Variants in SLC6A2 observed in about 807,000 individuals in gnomAD.
The protein encoded by SLC6A2 is sodium-dependent noradrenaline transporter.
SLC6A2 carries 26 observed loss-of-function variants against 71.7 expected under a neutral mutation model. The observed-to-expected ratio is 0.36, with a 90% confidence interval of 0.27 to 0.50. SLC6A2 has a LOEUF of 0.50. Ranked by LOEUF, SLC6A2 falls within the 20% of genes least tolerant of loss-of-function variation. SLC6A2 has a pLI of 0.96. For synonymous variants in SLC6A2, 363 were observed against 337.9 expected, an observed-to-expected ratio of 1.07 and a Z score of -0.82; for missense variants, 581 against 803.9, an observed-to-expected ratio of 0.72 and a Z score of 3.35.
intron 8 of SLC6A2, 27 bp downstream of exon 8, chr16:55,695,429 A>G: frequency 6.2e-7 from 1 of 1,613,604 alleles, no homozygotes; most frequent in East Asian, 2.2e-5. Flanking sequence ...CCTGGGCCCC[A>G]GCCCACTGAG....
intron 11 of SLC6A2, 73 bp downstream of exon 11, chr16:55,698,641 C>A: frequency 9.7e-7 from 1 of 1,036,020 alleles, no homozygotes; most frequent in Non-Finnish European, 1.5e-6. Context: ...TGCAGGGAGG[C>A]CTTCCATTTC....
intron 4 of SLC6A2, among the ~76,000 whole-genome samples, 190 bp from the exon 5 acceptor site, chr16:55,684,953 G>A (rs1234496513): frequency 6.6e-6 from 1 of 152,212 alleles, no homozygotes; most frequent in East Asian, 1.9e-4. Context: ...GAGTGGTCCT[G>A]GGCACAGGCC....
chr16:55,687,996 C>T (rs1273941039), intron 5 of SLC6A2, among the ~76,000 whole-genome samples: 1 of 152,230 alleles, frequency 6.6e-6, no homozygotes, highest in South Asian at 2.1e-4. Context: ...CTGCATGTGT[C>T]ATCCGAAACC....
Position 55,705,101 on chromosome 16 carries a change from G to C in SLC6A2, c.*2755G>C. 1 of 873,542 alleles carries C rather than the reference G, an allele frequency of 1.1e-6. No homozygotes were observed. The highest frequency in any genetic ancestry group is 1.5e-5 in the South Asian group (1 of 68,502). The allele number at this position is 873,542 out of a possible 1,614,324, so 54.1% of individuals were successfully genotyped here. On this transcript the variant is annotated 3_prime_UTR_variant, in exon 15 of 15. Transcript: ENST00000568943. ...ACTTGACGCTTTTGATATTTTTTCA[G>C]GTTTTTAAAGAATTATTATTTTTCA...
intron 4 of SLC6A2, among the ~76,000 whole-genome samples, chr16:55,681,628 AC>A (rs1490333536): frequency 2.0e-5 from 3 of 152,212 alleles, no homozygotes; most frequent in African/African-American, 7.2e-5. Context: ...CCTTTCTTTC[AC>A]CTGCCTGGAA....
chr16:55,668,296 C>A (rs1160678202), intron 2 of SLC6A2, among the ~76,000 whole-genome samples: 2 of 152,136 alleles, frequency 1.3e-5, no homozygotes, highest in Admixed American at 1.3e-4. Context: ...GTTTCCATAT[C>A]TGTAAAATGG....
At chr16:55,684,545 G>A (rs1965385565) in intron 4 of SLC6A2, among the ~76,000 whole-genome samples, 1 of 152,180 alleles carries the variant, frequency 6.6e-6, no homozygotes, top group South Asian at 2.1e-4. Flanking sequence ...TAGGAGAAAT[G>A]TTCACTTTTG....
At chr16:55,662,219 G>A (rs1964629214) in intron 2 of SLC6A2, among the ~76,000 whole-genome samples, 1 of 152,220 alleles carries the variant, frequency 6.6e-6, no homozygotes, top group Non-Finnish European at 1.5e-5. Context: ...AGGGATAAAT[G>A]TTATATCCTG....
At chr16:55,659,949 C>G (rs1014426782) in intron 2 of SLC6A2, among the ~76,000 whole-genome samples, 1 of 151,646 alleles carries the variant, frequency 6.6e-6, no homozygotes, top group Non-Finnish European at 1.5e-5. Flanking sequence ...TCATGGAGAG[C>G]CTGGCATGGA....
At chr16:55,693,211 A>G (rs1965691009) in intron 6 of SLC6A2, among the ~76,000 whole-genome samples, 1 of 152,040 alleles carries the variant, frequency 6.6e-6, no homozygotes, top group Non-Finnish European at 1.5e-5. Context: ...ACATGGGGAA[A>G]CCCCGTCTCT....
At chr16:55,659,588 T>C (rs1462670713) in intron 2 of SLC6A2, among the ~76,000 whole-genome samples, 2 of 152,234 alleles carry the variant, frequency 1.3e-5, no homozygotes, top group African/African-American at 4.8e-5. Context: ...TGTGACTTTT[T>C]AATCTCTGTG....
chr16:55,666,774 G>A (rs1964761386), intron 2 of SLC6A2, among the ~76,000 whole-genome samples: 1 of 152,162 alleles, frequency 6.6e-6, no homozygotes, highest in African/African-American at 2.4e-5. Context: ...TAGAGTTGAG[G>A]AAACTGGCCA....
chr16:55,699,336 G>A (rs72817550), intron 11 of SLC6A2, among the ~76,000 whole-genome samples: 15,570 of 152,294 alleles, frequency 0.1, 967 homozygotes, highest in Non-Finnish European at 0.14. Context: ...CCTCTGACAG[G>A]TGAATTGGGG....
intron 10 of SLC6A2, 22 bp downstream of exon 10, chr16:55,698,047 G>T (rs1469768480): frequency 6.2e-7 from 1 of 1,613,342 alleles, no homozygotes; most frequent in South Asian, 1.1e-5. Context: ...CTGGGCTCTG[G>T]GTCACCTGGG....
rs1292568590 is a variant in SLC6A2 at position 55,704,675 on chromosome 16, G to A, written c.*2329G>A. ...AGTCAGCAAAGCCTTTTGCATTAGA[G>A]CAGGGTCGTGCTTCCGAGAGAGCCT... On this transcript the variant is annotated 3_prime_UTR_variant, in exon 15 of 15. Coordinates refer to ENST00000568943, the MANE Select transcript of SLC6A2 (RefSeq NM_001172501.3). 6.6e-6 allele frequency: 1 copy of A among 152,522 alleles called. No homozygotes were observed. The highest frequency in any genetic ancestry group is 2.4e-5 in the African/African-American group (1 of 41,468). 9.4% of individuals were successfully genotyped at this position (152,522 alleles called of 1,614,324 possible).
At chr16:55,674,060 T>C (rs1596970401) in intron 4 of SLC6A2, among the ~76,000 whole-genome samples, 1 of 152,276 alleles carries the variant, frequency 6.6e-6, no homozygotes, top group South Asian at 2.1e-4. Context: ...GATTTGGGGG[T>C]ACACAAGTAG....
chr16:55,681,557 T>C (rs2142545779), intron 4 of SLC6A2, among the ~76,000 whole-genome samples: 1 of 152,332 alleles, frequency 6.6e-6, no homozygotes, highest in East Asian at 1.9e-4. Context: ...ATAACATACA[T>C]CTATTTTGAG....
Position 55,695,387 on chromosome 16 carries a change from G to A in SLC6A2, c.1132G>A (p.Asp378Asn), listed in dbSNP as rs769097694. ...CCATGAACACAAGGTCAACATTGAG[G>A]ATGTGGCCACAGAAGGTGGGTGGGC... is the stretch of plus-strand genomic sequence containing the variant. ...MAHEHKVNIE[D>N]VATEGAGLVF... The change falls in exon 8 of 15, where the codon GAT becomes AAT. Residue 378 changes from aspartate to asparagine, a missense_variant. Physicochemically the swap from Asp to Asn is conservative, Grantham distance 23 (BLOSUM62 1). Coordinates refer to ENST00000568943, the MANE Select transcript of SLC6A2 (RefSeq NM_001172501.3). 15 of 1,614,120 alleles carry A rather than the reference G, an allele frequency of 9.3e-6. No homozygotes were observed. The highest frequency in any genetic ancestry group is 3.3e-5 in the Admixed American group (2 of 60,010).
At position 55,684,955 on chromosome 16, in the gene SLC6A2, G is replaced by A. The variant is rs893307379; in HGVS notation, c.645-188G>A. Among the ~76,000 whole-genome samples, 10 of 152,230 alleles carry A rather than the reference G, an allele frequency of 6.6e-5. No homozygotes were observed. The East Asian group carries it at 1.9e-3, about 29-fold the overall frequency. On this transcript the variant is annotated intron_variant, in intron 4 of 14. Coordinates refer to ENST00000568943, the MANE Select transcript of SLC6A2 (RefSeq NM_001172501.3). Reference sequence around the variant, plus strand: ...CTCTTCTAGGACAGAGTGGTCCTGGGCACAGGCCATGGCTGATCAGGTCAG... The same window carrying A: ...CTCTTCTAGGACAGAGTGGTCCTGGACACAGGCCATGGCTGATCAGGTCAG...
Sources: gnomAD v4.1 joint callset for allele counts (sites outside exome capture counted in the v4.1 genomes callset) on GRCh38, gnomAD v4.1.1 for gene constraint, MANE v1.5 for transcripts, NCBI Gene and HGNC (gene_info 2026-07-23, HGNC 2026-07-21) for gene names.